ZNF451: variants seen among roughly 807,000 people sequenced by gnomAD.
ZNF451 encodes zinc finger protein 451.
Under a neutral mutation model 107.1 loss-of-function variants are expected in ZNF451, and 80 were observed. The ratio of observed to expected loss-of-function variants is 0.75; its 90% CI spans 0.62 to 0.90. The LOEUF is 0.90. Among genes scored for constraint, ZNF451 ranks in the 40% least tolerant of loss-of-function variants. The pLI, the probability that ZNF451 is intolerant of heterozygous loss-of-function variation, is 0.00. For synonymous variants in ZNF451, 362 were observed against 406.5 expected (o/e 0.89, Z 1.32); for missense variants, 1,107 against 1,236.2 (o/e 0.90, Z 1.57).
chr6:57,124,447 A>T (rs1830819119), intron 3 of ZNF451: 2 of 716,516 alleles, frequency 2.8e-6, no homozygotes, highest in Admixed American at 4.0e-5. Context: ...GCTTTGCCTG[A>T]TGACCCTACC....
At position 57,090,201 on chromosome 6, in the gene ZNF451, G is replaced by T. The variant is rs1437668356; in HGVS notation, c.-53G>T. 1.0e-5 allele frequency: 16 copies of T among 1,584,434 alleles called. No individual in the cohort carries two copies. Among genetic ancestry groups the T allele is most frequent in the East Asian group, 2.3e-5 (1 of 43,638 alleles). ...GGCGGGAAGGGGATTCGTGGCGACG[G>T]CGGCGGCAGGGACAGCAGGAGCAGT... On this transcript the variant is annotated 5_prime_UTR_variant, in exon 1 of 15. Transcript: ENST00000370706.
intron 12 of ZNF451, among the ~76,000 whole-genome samples, chr6:57,152,825 C>CT (rs1832412945): frequency 6.6e-6 from 1 of 152,170 alleles, no homozygotes; most frequent in Admixed American, 6.5e-5. Flanking sequence ...AACTCCTGGC[C>CT]TCAAGTGATC....
At chr6:57,124,530 C>T in intron 3 of ZNF451, 1 of 707,976 alleles carries the variant, frequency 1.4e-6, no homozygotes, top group South Asian at 1.5e-5. Context: ...CCTAGCAGCT[C>T]ATTTGTCTAA....
At chr6:57,097,731 G>A (rs777555351) in intron 2 of ZNF451, among the ~76,000 whole-genome samples, 2 of 151,892 alleles carry the variant, frequency 1.3e-5, no homozygotes, top group Admixed American at 6.6e-5. Flanking sequence ...TTTATTTCCA[G>A]GTATGTTCAT....
rs1743612471 is a variant in ZNF451, at chr6:57,105,883, A to G, written c.186+6742A>G. The G allele has an allele frequency of 4.1e-6, 4 of 984,228 alleles. 1 individual carries two copies. The South Asian group carries it at 1.9e-4, about 46-fold the overall frequency. 61.0% of individuals were successfully genotyped at this position (984,228 alleles called of 1,614,324 possible). On this transcript the variant is annotated intron_variant, in intron 3 of 14. Coordinates refer to ENST00000370706, the MANE Select transcript of ZNF451 (RefSeq NM_001031623.3). ...ACAGCTTCCTTATCAGTATAATTAC[A>G]TTTAAACTTTTTTTTTTAAACCGTG... is the stretch of plus-strand genomic sequence containing the variant.
rs780320571 is a variant in ZNF451, at chr6:57,148,662, A to G, written c.2577A>G (p.Gly859=). The G allele has an allele frequency of 1.2e-5, 20 of 1,612,522 alleles. No individual in the cohort carries two copies. Among genetic ancestry groups the G allele is most frequent in the Non-Finnish European group, 1.7e-6 (2 of 1,179,392 alleles). The part of the protein sequence containing the change: ...NYSKSLDMEK[G]VENDLSYQNI... ...CAAAAAGTTTAGACATGGAGAAAGG[A>G]GTTGAGAATGACCTAAGCTATCAGA... The change falls in exon 10 of 15, where the codon GGA becomes GGG. Residue 859 remains glycine (G), a synonymous_variant. Transcript: ENST00000370706.
intron 13 of ZNF451, among the ~76,000 whole-genome samples, chr6:57,160,490 T>C (rs972734184): frequency 2.0e-5 from 3 of 151,990 alleles, no homozygotes; most frequent in African/African-American, 7.2e-5. Flanking sequence ...CGCACCACCA[T>C]ACCTGGCTAA....
At chr6:57,098,458 TC>T (rs997001054) in intron 2 of ZNF451, among the ~76,000 whole-genome samples, 4 of 152,174 alleles carry the variant, frequency 2.6e-5, no homozygotes, top group Non-Finnish European at 4.4e-5. Flanking sequence ...TATCTTGCTT[TC>T]CCTGCTCTCC....
chr6:57,128,702 AAT>A, intron 4 of ZNF451, 25 bp from the exon 5 acceptor site: 1 of 1,513,502 alleles, frequency 6.6e-7, no homozygotes, highest in Non-Finnish European at 9.1e-7. Context: ...TAGTAATCTT[AAT>A]TGAGTTTTTT....
Position 57,114,686 on chromosome 6 carries a change from CAT to C in ZNF451, c.187-10045_187-10044del, listed in dbSNP as rs1434612000. 3.3e-5 allele frequency among the ~76,000 whole-genome samples: 5 copies of C among 152,092 alleles called. No individual in the cohort carries two copies. In the East Asian group the frequency reaches 9.6e-4, roughly 29 times the overall value. On this transcript the variant is annotated intron_variant, in intron 3 of 14. Transcript: ENST00000370706. The stretch of plus-strand genomic sequence containing the variant: ...ATATTTTTGTAGGATATATATTAAA[CAT>C]ATTTTTATAAGGCAAAATTAGTGAT...
At chr6:57,161,035 T>C (rs941774007) in intron 13 of ZNF451, 49 bp from the exon 14 acceptor site, 8 of 1,184,476 alleles carry the variant, frequency 6.8e-6, no homozygotes, top group Non-Finnish European at 9.5e-6. Context: ...ATATTGAGAA[T>C]ACATAAATTT....
At chr6:57,146,996 G>A (rs1255190846) in intron 9 of ZNF451, 94 bp from the exon 10 acceptor site, 17 of 1,143,984 alleles carry the variant, frequency 1.5e-5, no homozygotes, top group Non-Finnish European at 2.1e-5. Flanking sequence ...TTATTTATAC[G>A]TTGGTTATTT....
At chr6:57,105,898 T>C (rs1324361707) in intron 3 of ZNF451, 1 of 984,884 alleles carries the variant, frequency 1.0e-6, no homozygotes, top group East Asian at 1.1e-4. Flanking sequence ...AACTTTTTTT[T>C]TTAAACCGTG....
At chr6:57,099,503 C>A in intron 3 of ZNF451, 1 of 716,990 alleles carries the variant, frequency 1.4e-6, no homozygotes, top group South Asian at 1.5e-5. Context: ...TGTTCCAGAA[C>A]CACATGACCA....
At chr6:57,164,602 T>C (rs1763817808) in intron 14 of ZNF451, among the ~76,000 whole-genome samples, 1 of 152,198 alleles carries the variant, frequency 6.6e-6, no homozygotes. Flanking sequence ...CTTCAATTAA[T>C]AGCAGTCAAA....
chr6:57,159,492 C>A (rs1763572830), intron 13 of ZNF451: 382 of 307,402 alleles, frequency 1.2e-3, no homozygotes, highest in Non-Finnish European at 1.6e-3. Flanking sequence ...TAGCCCAACA[C>A]AAATTTGTAA....
chr6:57,102,416 T>C (rs370349336), intron 3 of ZNF451: 5 of 1,027,416 alleles, frequency 4.9e-6, no homozygotes, highest in Non-Finnish European at 5.8e-6. Flanking sequence ...AAGAAAAATA[T>C]AAAGATGTGT....
chr6:57,161,280 T>C (rs1011663384), intron 14 of ZNF451, 128 bp downstream of exon 14: 1 of 517,812 alleles, frequency 1.9e-6, no homozygotes, highest in Non-Finnish European at 3.4e-6. Context: ...TTTCTCAGTT[T>C]GGATAGCTTT....
chr6:57,101,185 A>C, intron 3 of ZNF451: 1 of 1,550,878 alleles, frequency 6.4e-7, no homozygotes, highest in Admixed American at 2.0e-5. Flanking sequence ...CAGCCAATCT[A>C]GTTTCACAGG....
Sources: gnomAD v4.1 joint callset for allele counts (sites outside exome capture counted in the v4.1 genomes callset) on GRCh38, gnomAD v4.1.1 for gene constraint, MANE v1.5 for transcripts, NCBI Gene and HGNC (gene_info 2026-07-23, HGNC 2026-07-21) for gene names.